COL5A2: variants seen among roughly 807,000 people sequenced by gnomAD.
The protein encoded by COL5A2 is collagen type V alpha 2 chain.
In COL5A2, 23 loss-of-function variants were observed where a neutral mutation model predicts 208.2. The observed-to-expected ratio is 0.11, with a 90% CI of 0.08 to 0.16. The LOEUF (loss-of-function observed/expected upper bound fraction) is 0.16. COL5A2 is among the 10% of genes least tolerant of loss of function. The probability of loss-of-function intolerance (pLI) is 1.00; values close to 1 mark genes in which losing one functional copy is unlikely to be tolerated. For synonymous variants in COL5A2, 625 were observed against 628.5 expected (o/e 0.99, Z 0.08); for missense variants, 1,590 against 1,956.4 (o/e 0.81, Z 3.53).
At chr2:189,224,280 G>T (rs115719229) in intron 1 of COL5A2, among the ~76,000 whole-genome samples, 1 of 152,034 alleles carries the variant, frequency 6.6e-6, no homozygotes, top group Admixed American at 6.6e-5. Context: ...AATAAAGTTA[G>T]TTCCCTGTCT....
chr2:189,285,727 C>T, the COL5A2 span, among the ~76,000 whole-genome samples: 1 of 152,088 alleles, frequency 6.6e-6, no homozygotes, highest in African/African-American at 2.4e-5. Context: ...AAGTAAAAGG[C>T]AAGTTTTTAA....
chr2:189,246,289 G>GAA, the COL5A2 span, among the ~76,000 whole-genome samples: 1 of 144,094 alleles, frequency 6.9e-6, no homozygotes, highest in South Asian at 2.2e-4. Flanking sequence ...AATTTATTAG[G>GAA]AAAAAAAAAA....
chr2:189,304,103 T>G, the COL5A2 span, among the ~76,000 whole-genome samples: 1 of 152,122 alleles, frequency 6.6e-6, no homozygotes, highest in Admixed American at 6.6e-5. Flanking sequence ...TAACTATGAG[T>G]TTTTTTCCCA....
chr2:189,385,204 T>C, the COL5A2 span, among the ~76,000 whole-genome samples: 1 of 152,136 alleles, frequency 6.6e-6, no homozygotes, highest in East Asian at 1.9e-4. Flanking sequence ...AGACTGATGA[T>C]ATGATTCTAT....
At chr2:189,286,176 A>C in the COL5A2 span, among the ~76,000 whole-genome samples, 1 of 152,062 alleles carries the variant, frequency 6.6e-6, no homozygotes, top group African/African-American at 2.4e-5. Context: ...CACATTTAAG[A>C]AATTATAGTC....
At chr2:189,187,228 C>G (rs1688864119) in intron 1 of COL5A2, among the ~76,000 whole-genome samples, 1 of 152,182 alleles carries the variant, frequency 6.6e-6, no homozygotes, top group South Asian at 2.1e-4. Context: ...TATTGAGATT[C>G]AGAGATATTA....
intron 1 of COL5A2, among the ~76,000 whole-genome samples, chr2:189,172,739 T>C (rs1266013606): frequency 6.6e-6 from 1 of 152,108 alleles, no homozygotes; most frequent in Non-Finnish European, 1.5e-5. Flanking sequence ...ACCAATAATA[T>C]AGTTTGCTGT....
At chr2:189,264,268 T>C in the COL5A2 span, among the ~76,000 whole-genome samples, 1 of 152,076 alleles carries the variant, frequency 6.6e-6, no homozygotes. Flanking sequence ...ATCTAAATAA[T>C]GGAAAACATT....
At chr2:189,075,331 A>G in intron 17 of COL5A2, 62 bp downstream of exon 17, 1 of 1,223,144 alleles carries the variant, frequency 8.2e-7, no homozygotes, top group Non-Finnish European at 1.2e-6. Flanking sequence ...ATGTTTTTGA[A>G]TGTACAAATG....
the COL5A2 span, among the ~76,000 whole-genome samples, chr2:189,394,963 T>C: frequency 2.0e-5 from 3 of 152,216 alleles, no homozygotes; most frequent in African/African-American, 7.2e-5. Flanking sequence ...TTCAATGAGA[T>C]GGTTTACAGC....
At chr2:189,319,952 C>T in the COL5A2 span, among the ~76,000 whole-genome samples, 1 of 152,156 alleles carries the variant, frequency 6.6e-6, no homozygotes, top group Non-Finnish European at 1.5e-5. Flanking sequence ...GGCCGGGTAC[C>T]CCTCTGAGAC....
At chr2:189,393,340 T>G in the COL5A2 span, among the ~76,000 whole-genome samples, 10 of 152,294 alleles carry the variant, frequency 6.6e-5, no homozygotes, top group African/African-American at 2.4e-4. Context: ...TAAATTGGAT[T>G]ACACTATGTC....
chr2:189,189,860 T>TA (rs768203835), intron 1 of COL5A2, among the ~76,000 whole-genome samples: 16 of 152,176 alleles, frequency 1.1e-4, no homozygotes, highest in Admixed American at 2.0e-4. Context: ...TTCAGTGTCC[T>TA]AAACATCACA....
At chr2:189,271,515 G>C in the COL5A2 span, among the ~76,000 whole-genome samples, 1 of 152,270 alleles carries the variant, frequency 6.6e-6, no homozygotes, top group East Asian at 1.9e-4. Flanking sequence ...ACTCAAGATA[G>C]ATTAAAGACT....
At chr2:189,349,893 C>T in the COL5A2 span, among the ~76,000 whole-genome samples, 1 of 151,946 alleles carries the variant, frequency 6.6e-6, no homozygotes, top group African/African-American at 2.4e-5. Context: ...AATTACTCAG[C>T]AATATGCATT....
At chr2:189,292,148 T>C in the COL5A2 span, among the ~76,000 whole-genome samples, 1 of 152,206 alleles carries the variant, frequency 6.6e-6, no homozygotes, top group Non-Finnish European at 1.5e-5. Context: ...GGTAAACTAA[T>C]TTGATATCAT....
the COL5A2 span, among the ~76,000 whole-genome samples, chr2:189,250,247 A>T: frequency 6.6e-6 from 1 of 152,210 alleles, no homozygotes; most frequent in Non-Finnish European, 1.5e-5. Context: ...GAACTGATTT[A>T]ATTTGCACGG....
At chr2:189,047,981 T>G (rs564019247) in intron 45 of COL5A2, among the ~76,000 whole-genome samples, 12 of 152,328 alleles carry the variant, frequency 7.9e-5, no homozygotes, top group South Asian at 6.2e-4. Context: ...CAAAGATGGC[T>G]TCAATTTTAT....
intron 51 of COL5A2, 125 bp from the exon 52 acceptor site, chr2:189,036,928 G>A: frequency 5.0e-6 from 4 of 807,412 alleles, no homozygotes; most frequent in Non-Finnish European, 7.9e-6. Flanking sequence ...TTAAGTGAGA[G>A]TGCCCCTTAC....
Sources: allele counts gnomAD v4.1 joint callset (sites outside exome capture counted in the v4.1 genomes callset), GRCh38; gene constraint gnomAD v4.1.1; transcripts MANE v1.5; gene names NCBI Gene and HGNC (gene_info 2026-07-23, HGNC 2026-07-21).